PPFIA2: variants seen among roughly 807,000 people sequenced by gnomAD.
The protein encoded by PPFIA2 is PPFI scaffold protein A2, also known as liprin-alpha-2.
Under a neutral mutation model 175.5 loss-of-function variants are expected in PPFIA2, and 46 were observed. That is an observed-to-expected ratio of 0.26 (90% CI 0.21 to 0.34). The LOEUF (loss-of-function observed/expected upper bound fraction) is 0.34. Among genes scored for constraint, PPFIA2 ranks in the 10% least tolerant of loss-of-function variants. The pLI, the probability that PPFIA2 is intolerant of heterozygous loss-of-function variation, is 1.00. For synonymous variants in PPFIA2, 568 were observed against 511.4 expected (o/e 1.11, Z -1.49); for missense variants, 1,179 against 1,506.1 (o/e 0.78, Z 3.60).
chr12:81,736,714 A>G (rs2153647848), intron 3 of PPFIA2, among the ~76,000 whole-genome samples: 1 of 152,112 alleles, frequency 6.6e-6, no homozygotes, highest in East Asian at 1.9e-4. Context: ...ATAGAAATGG[A>G]CATGTTTATT....
intron 3 of PPFIA2, among the ~76,000 whole-genome samples, chr12:81,711,737 C>T (rs1039753475): frequency 1.3e-5 from 2 of 150,422 alleles, no homozygotes; most frequent in African/African-American, 4.9e-5. Flanking sequence ...TGTATCTTTC[C>T]GTCTCTGTGG....
chr12:81,627,603 T>C (rs540890869), intron 4 of PPFIA2, among the ~76,000 whole-genome samples: 2 of 152,194 alleles, frequency 1.3e-5, no homozygotes, highest in African/African-American at 2.4e-5. Flanking sequence ...TAAAGGGCAA[T>C]GTAGACATTA....
At chr12:81,281,161 T>A in intron 27 of PPFIA2, 96 bp downstream of exon 27, 1 of 927,730 alleles carries the variant, frequency 1.1e-6, no homozygotes, top group Non-Finnish European at 1.5e-6. Context: ...ATATATTTTC[T>A]GTCTTCTAGA....
At position 81,603,506 on chromosome 12, in the gene PPFIA2, G is replaced by GA. The variant is rs200304475; in HGVS notation, c.303+73284dup. Reference sequence around the variant, plus strand: ...TTGAGGAGCTTTTATTATATTGGAGGAAAAAAAAACAGATACACTTTTTGA... The same window carrying GA: ...TTGAGGAGCTTTTATTATATTGGAGGAAAAAAAAAACAGATACACTTTTTGA... On this transcript the variant is annotated intron_variant, in intron 4 of 32. Transcript: ENST00000549396. Among the ~76,000 whole-genome samples the GA allele has an allele frequency of 2.2e-4, 33 of 146,824 alleles. No individual in the cohort carries two copies. The South Asian group carries it at 4.5e-3, about 20-fold the overall frequency.
intron 5 of PPFIA2, among the ~76,000 whole-genome samples, chr12:81,446,738 G>A (rs1418389863): frequency 6.6e-6 from 1 of 151,980 alleles, no homozygotes; most frequent in Non-Finnish European, 1.5e-5. Flanking sequence ...CACTGAAGGT[G>A]GAAAGAATAA....
At chr12:81,367,378 C>T (rs1437411366) in intron 13 of PPFIA2, among the ~76,000 whole-genome samples, 1 of 151,484 alleles carries the variant, frequency 6.6e-6, no homozygotes, top group Non-Finnish European at 1.5e-5. Flanking sequence ...ATGGGAAATG[C>T]TATTTTGTAA....
chr12:81,456,458 T>C (rs2053584311), intron 5 of PPFIA2, among the ~76,000 whole-genome samples: 2 of 152,162 alleles, frequency 1.3e-5, no homozygotes. Flanking sequence ...CATGTAACCA[T>C]TATGCAAGCA....
intron 3 of PPFIA2, among the ~76,000 whole-genome samples, chr12:81,692,715 A>C (rs1279576643): frequency 6.6e-6 from 1 of 152,124 alleles, no homozygotes; most frequent in African/African-American, 2.4e-5. Context: ...GTTGACAACT[A>C]TCAATATGAA....
intron 7 of PPFIA2, among the ~76,000 whole-genome samples, chr12:81,415,874 G>T (rs983046356): frequency 2.6e-5 from 4 of 151,234 alleles, no homozygotes; most frequent in Non-Finnish European, 5.9e-5. Context: ...TTACAACTTT[G>T]TACTAACATC....
At chr12:81,453,568 T>A (rs1023586875) in intron 5 of PPFIA2, among the ~76,000 whole-genome samples, 4 of 152,140 alleles carry the variant, frequency 2.6e-5, no homozygotes, top group African/African-American at 7.2e-5. Flanking sequence ...GTTTCAATAT[T>A]TTTTCTACAT....
Position 81,439,937 on chromosome 12 carries a change from T to G in PPFIA2, c.645+35A>C, listed in dbSNP as rs775912788. 3 of 1,538,684 alleles carry G rather than the reference T, an allele frequency of 1.9e-6. No individual in the cohort carries two copies. In the South Asian group the frequency reaches 3.5e-5, roughly 18 times the overall value. ...ACAAGGGATGTAATGTCAGCGATATTGCACCTCAAAAGAGGAGAAAGTGTG... is the reference window on the plus strand; with the variant it reads ...ACAAGGGATGTAATGTCAGCGATATGGCACCTCAAAAGAGGAGAAAGTGTG... On this transcript the variant is annotated intron_variant, in intron 7 of 32. Transcript: ENST00000549396.
chr12:81,279,784 G>A (rs1029748068), intron 27 of PPFIA2, among the ~76,000 whole-genome samples: 4 of 152,130 alleles, frequency 2.6e-5, no homozygotes, highest in Admixed American at 6.5e-5. Context: ...TAATGCAAAC[G>A]TGAAATATGA....
At chr12:81,486,207 C>T (rs2058798329) in intron 4 of PPFIA2, among the ~76,000 whole-genome samples, 1 of 151,658 alleles carries the variant, frequency 6.6e-6, no homozygotes, top group Admixed American at 6.6e-5. Context: ...CATGATGATC[C>T]CATTTTACAT....
chr12:81,608,008 T>G (rs556660236), intron 4 of PPFIA2, among the ~76,000 whole-genome samples: 1 of 152,108 alleles, frequency 6.6e-6, no homozygotes, highest in Non-Finnish European at 1.5e-5. Flanking sequence ...CATGAAGAGA[T>G]GTTGAATTTT....
chr12:81,536,032 C>G (rs1258148267), intron 4 of PPFIA2, among the ~76,000 whole-genome samples: 1 of 151,708 alleles, frequency 6.6e-6, no homozygotes, highest in Non-Finnish European at 1.5e-5. Context: ...ATTTGTTCCT[C>G]AGATTCATTT....
In PPFIA2 at chr12:81,549,584, G is replaced by A. The variant is rs913481516; in HGVS notation, c.304-91718C>T. On this transcript the variant is annotated intron_variant, in intron 4 of 32. Transcript: ENST00000549396. ...TTTTCATTCTTGCAACAACCTGGTC[G>A]CTCCAATGTTCTTATCTCACTAAAT... Among the ~76,000 whole-genome samples, 7 of 151,796 alleles carry A rather than the reference G, an allele frequency of 4.6e-5. No homozygotes were observed. The East Asian group carries it at 5.8e-4, about 13-fold the overall frequency.
chr12:81,559,292 A>C (rs1332091685), intron 4 of PPFIA2, among the ~76,000 whole-genome samples: 3 of 152,218 alleles, frequency 2.0e-5, no homozygotes, highest in Non-Finnish European at 2.9e-5. Flanking sequence ...GTGCATTTGC[A>C]CGTGTGGATG....
chr12:81,599,308 A>G (rs2059564858), intron 4 of PPFIA2, among the ~76,000 whole-genome samples: 1 of 151,962 alleles, frequency 6.6e-6, no homozygotes, highest in African/African-American at 2.4e-5. Flanking sequence ...TACACATACA[A>G]CCTAAATTAT....
chr12:81,419,867 A>G (rs1457358408), intron 7 of PPFIA2, among the ~76,000 whole-genome samples: 3 of 152,122 alleles, frequency 2.0e-5, no homozygotes, highest in Non-Finnish European at 4.4e-5. Flanking sequence ...CCATTGTTCG[A>G]TGTATGTTCA....
Sources: allele counts gnomAD v4.1 joint callset (sites outside exome capture counted in the v4.1 genomes callset), GRCh38; gene constraint gnomAD v4.1.1; transcripts MANE v1.5; gene names NCBI Gene and HGNC (gene_info 2026-07-23, HGNC 2026-07-21).